RELN: variants seen among roughly 807,000 people sequenced by gnomAD.
RELN encodes the protein reelin.
In RELN, 108 loss-of-function variants were observed where a neutral mutation model predicts 427.6. The ratio of observed to expected loss-of-function variants is 0.25; its 90% confidence interval spans 0.22 to 0.30. The LOEUF is 0.30. Ranked by LOEUF, RELN falls within the 10% of genes least tolerant of loss-of-function variation. RELN has a pLI of 1.00. For synonymous variants in RELN, 1,524 were observed against 1,513.4 expected (o/e 1.01, Z -0.16); for missense variants, 3,715 against 4,302.8 (o/e 0.86, Z 3.82).
intron 45 of RELN, among the ~76,000 whole-genome samples, chr7:103,538,244 T>C (rs1392404617): frequency 6.6e-6 from 1 of 152,184 alleles, no homozygotes; most frequent in East Asian, 1.9e-4. Context: ...ACCAAATTCC[T>C]CAAATTTCTG....
chr7:103,688,544 T>C (rs1234831872), intron 10 of RELN, among the ~76,000 whole-genome samples: 1 of 152,130 alleles, frequency 6.6e-6, no homozygotes, highest in Admixed American at 6.6e-5. Flanking sequence ...GAGTGTGATC[T>C]TTCCTTTCAC....
At chr7:103,729,389 C>A (rs370629325) in intron 6 of RELN, among the ~76,000 whole-genome samples, 34 of 152,200 alleles carry the variant, frequency 2.2e-4, no homozygotes, top group African/African-American at 7.5e-4. Context: ...AAACACTGCA[C>A]GTCAAAAATT....
intron 1 of RELN, among the ~76,000 whole-genome samples, chr7:103,926,651 T>TG (rs1795747271): frequency 1.4e-5 from 1 of 71,120 alleles, no homozygotes. Context: ...TTTTTTTTTT[T>TG]TTTTTTTTTT....
Position 103,636,319 on chromosome 7 carries a change from A to T in RELN, c.2219T>A (p.Val740Asp). ...AACCAGGGCCTTACCACTGGCCAAG[A>T]CACCACAACCAAAGCTGACTTCAGC... ...RGAEVSFGCG[V>D]LASGKALVFN... Residue 740 changes from valine (V) to aspartate (D), a missense_variant, in exon 18 of 65, where the codon GTC (valine) becomes GAC (aspartate). Physicochemically the swap from Val to Asp is radical, Grantham distance 152 (BLOSUM62 -3). Coordinates refer to ENST00000428762, the MANE Select transcript of RELN (RefSeq NM_005045.4). 1 of 1,614,064 alleles carries T rather than the reference A, an allele frequency of 6.2e-7. No individual in the cohort carries two copies. The highest frequency in any genetic ancestry group is 8.5e-7 in the Non-Finnish European group (1 of 1,179,978).
At chr7:103,958,094 C>T (rs1291956741) in intron 1 of RELN, among the ~76,000 whole-genome samples, 1 of 152,206 alleles carries the variant, frequency 6.6e-6, no homozygotes, top group Non-Finnish European at 1.5e-5. Context: ...GTATCTACCT[C>T]ACTGTGTTCA....
chr7:103,877,551 G>C (rs1794508256), intron 2 of RELN, among the ~76,000 whole-genome samples: 3 of 152,168 alleles, frequency 2.0e-5, no homozygotes, highest in East Asian at 3.9e-4. Flanking sequence ...CTGGATTACT[G>C]CTGAGTCTCC....
intron 8 of RELN, among the ~76,000 whole-genome samples, chr7:103,717,323 T>TTA (rs541526333): frequency 0.011 from 1,608 of 149,132 alleles, 26 homozygotes; most frequent in African/African-American, 0.036. Context: ...TACATATGTT[T>TTA]TATATATATA....
In RELN at chr7:103,832,141, A is replaced by G. The variant is rs376448892; in HGVS notation, c.473+1396T>C. ...TGACCCATAGAAACCCCAGACACTG[A>G]ACTGTTTGTCATCAAGAGGGAAGAA... On this transcript the variant is annotated intron_variant, in intron 3 of 64. Coordinates refer to ENST00000428762, the MANE Select transcript of RELN (RefSeq NM_005045.4). Among the ~76,000 whole-genome samples, 68 of 152,300 alleles carry G rather than the reference A, an allele frequency of 4.5e-4. 3 individuals carry two copies. Among genetic ancestry groups the G allele is most frequent in the African/African-American group, 1.6e-3 (65 of 41,574 alleles).
chr7:103,849,520 A>G (rs2116458704), intron 2 of RELN, among the ~76,000 whole-genome samples: 1 of 152,306 alleles, frequency 6.6e-6, no homozygotes, highest in South Asian at 2.1e-4. Flanking sequence ...ATGTAGGTCT[A>G]AATTTCCTCA....
intron 59 of RELN, among the ~76,000 whole-genome samples, chr7:103,490,333 A>C (rs1828608171): frequency 6.6e-6 from 1 of 152,176 alleles, no homozygotes; most frequent in African/African-American, 2.4e-5. Flanking sequence ...GGAAGGCAGA[A>C]CACTGGGGCA....
At chr7:103,964,187 C>T (rs937411233) in intron 1 of RELN, among the ~76,000 whole-genome samples, 1 of 151,976 alleles carries the variant, frequency 6.6e-6, no homozygotes. Context: ...GTAATAATAA[C>T]TAAGATCTAG....
At chr7:103,947,011 C>A (rs1239776863) in intron 1 of RELN, among the ~76,000 whole-genome samples, 1 of 152,178 alleles carries the variant, frequency 6.6e-6, no homozygotes, top group East Asian at 1.9e-4. Context: ...CTTCTAAACA[C>A]TAGCTGTGGA....
intron 1 of RELN, among the ~76,000 whole-genome samples, chr7:103,955,710 T>C (rs1479360326): frequency 6.6e-6 from 1 of 152,214 alleles, no homozygotes; most frequent in African/African-American, 2.4e-5. Context: ...TAAAACACTT[T>C]GGCTTCTGTT....
intron 1 of RELN, among the ~76,000 whole-genome samples, chr7:103,949,443 G>A (rs377638413): frequency 2.6e-5 from 4 of 151,852 alleles, no homozygotes; most frequent in African/African-American, 9.7e-5. Context: ...ACTTTGGGAG[G>A]TAATTAGGTC....
chr7:103,670,654 T>C (rs1833372043), intron 11 of RELN, among the ~76,000 whole-genome samples: 2 of 152,206 alleles, frequency 1.3e-5, no homozygotes, highest in Admixed American at 1.3e-4. Context: ...TTTGCTCATT[T>C]TCTTTGCAGT....
chr7:103,623,400 T>C (rs1203655062), intron 20 of RELN, among the ~76,000 whole-genome samples: 1 of 152,238 alleles, frequency 6.6e-6, no homozygotes, highest in African/African-American at 2.4e-5. Flanking sequence ...TACAGGTTAA[T>C]GTTTCGTGAA....
chr7:103,574,414 G>A lies in RELN; in HGVS notation c.4304-115C>T, dbSNP rs568344630. On this transcript the variant is annotated intron_variant, in intron 29 of 64. Transcript: ENST00000428762. ...ATAGGGATTAACATTAGGGAGAGAGGCCACATGAAAATTTGTATCTCACAA... is the reference window on the plus strand; with the variant it reads ...ATAGGGATTAACATTAGGGAGAGAGACCACATGAAAATTTGTATCTCACAA... 77 of 865,128 alleles carry A rather than the reference G, an allele frequency of 8.9e-5. No individual in the cohort carries two copies. In the African/African-American group the frequency reaches 1.1e-3, roughly 13 times the overall value. 53.6% of individuals were successfully genotyped at this position (865,128 alleles called of 1,614,324 possible).
chr7:103,755,352 T>C (rs1421932929), intron 4 of RELN, among the ~76,000 whole-genome samples: 1 of 152,042 alleles, frequency 6.6e-6, no homozygotes, highest in African/African-American at 2.4e-5. Context: ...CTCACGCCTG[T>C]AATCCCAGCA....
intron 2 of RELN, among the ~76,000 whole-genome samples, chr7:103,897,795 G>C (rs944928786): frequency 6.6e-6 from 1 of 151,930 alleles, no homozygotes. Flanking sequence ...CAAAATCCTA[G>C]TGAAACTCCA....
Sources: gnomAD v4.1 joint callset for allele counts (sites outside exome capture counted in the v4.1 genomes callset) on GRCh38, gnomAD v4.1.1 for gene constraint, MANE v1.5 for transcripts, NCBI Gene and HGNC (gene_info 2026-07-23, HGNC 2026-07-21) for gene names.